The following TRAPPC3L variants were observed in gnomAD, a reference collection of about 807,000 sequenced individuals.
The protein encoded by TRAPPC3L is trafficking protein particle complex subunit 3L, also known as trafficking protein particle complex subunit 3-like protein.
A neutral mutation model predicts 23.7 loss-of-function variants in TRAPPC3L; 23 were observed. The ratio of observed to expected loss-of-function variants is 0.97; its 90% CI spans 0.70 to 1.37. The LOEUF is 1.37. Ranked by LOEUF, TRAPPC3L falls within the 40% of genes most tolerant of loss-of-function variation. The pLI is 0.00. For synonymous variants in TRAPPC3L, 81 were observed against 77.9 expected (o/e 1.04, Z -0.21); for missense variants, 212 against 216.8 (o/e 0.98, Z 0.14).
rs926043925 is a variant in TRAPPC3L at position 116,515,517 on chromosome 6, T to G, written c.241-14851A>C. ...TATGTCAAAGACTGTGGTAATAATT[T>G]AGCTATACACTTCTCAATAATACCC... On this transcript the variant is annotated intron_variant, in intron 3 of 4. Transcript: ENST00000368602. The G allele has an allele frequency of 2.2e-6, 3 of 1,361,454 alleles. No individual in the cohort carries two copies. The African/African-American group carries it at 4.4e-5, about 20-fold the overall frequency. The allele number at this position is 1,361,454 out of a possible 1,614,324, so 84.3% of individuals were successfully genotyped here. A position where few individuals can be genotyped will look rare whatever the true frequency, so the allele number is the denominator to read the frequency against.
chr6:116,509,759 G>C (rs1234992536), intron 3 of TRAPPC3L, among the ~76,000 whole-genome samples: 4 of 152,066 alleles, frequency 2.6e-5, no homozygotes, highest in African/African-American at 9.7e-5. Context: ...TCTGGACATT[G>C]GCCTAGGCAA....
chr6:116,508,256 A>G (rs1456787317), intron 3 of TRAPPC3L, among the ~76,000 whole-genome samples: 2 of 152,184 alleles, frequency 1.3e-5, no homozygotes, highest in African/African-American at 2.4e-5. Flanking sequence ...GCCATTTGCA[A>G]GACAAATTAT....
intron 4 of TRAPPC3L, among the ~76,000 whole-genome samples, chr6:116,498,573 G>C (rs1241507714): frequency 6.6e-6 from 1 of 152,176 alleles, no homozygotes; most frequent in Non-Finnish European, 1.5e-5. Flanking sequence ...ATGAGACTTT[G>C]TTGACTGTTA....
At chr6:116,512,002 G>A (rs1327303678) in intron 3 of TRAPPC3L, 5 of 1,613,936 alleles carry the variant, frequency 3.1e-6, no homozygotes, top group Admixed American at 3.3e-5. Context: ...TCCTCGGCCA[G>A]ATCACTCTGA....
intron 3 of TRAPPC3L, among the ~76,000 whole-genome samples, chr6:116,534,699 A>G (rs1015057667): frequency 1.3e-5 from 2 of 151,812 alleles, no homozygotes; most frequent in African/African-American, 2.4e-5. Flanking sequence ...ATTGCTTCCT[A>G]TGATCATTTC....
intron 3 of TRAPPC3L, chr6:116,523,754 T>A (rs917581559): frequency 1.3e-5 from 2 of 152,218 alleles, no homozygotes; most frequent in Non-Finnish European, 2.9e-5. Flanking sequence ...TAGACATTAC[T>A]GCTAGTTTAT....
intron 3 of TRAPPC3L, among the ~76,000 whole-genome samples, chr6:116,505,035 A>C (rs1382392487): frequency 6.6e-6 from 1 of 152,236 alleles, no homozygotes; most frequent in African/African-American, 2.4e-5. Context: ...AGGCAAGAGA[A>C]AGAAATAAAG....
chr6:116,531,892 A>T (rs935020486), intron 3 of TRAPPC3L, among the ~76,000 whole-genome samples: 1 of 149,718 alleles, frequency 6.7e-6, no homozygotes, highest in East Asian at 1.9e-4. Context: ...TTTATATTTA[A>T]TTTTAAAATA....
Position 116,500,671 on chromosome 6 carries a change from T to A in TRAPPC3L, c.241-5A>T, listed in dbSNP as rs150964935. The A allele has an allele frequency of 2.6e-6, 4 of 1,549,806 alleles. No individual in the cohort carries two copies. The African/African-American group carries it at 4.1e-5, about 16-fold the overall frequency. On this transcript the variant is annotated splice_region_variant and splice_polypyrimidine_tract_variant and intron_variant, in intron 3 of 4. Transcript: ENST00000368602. Reference sequence around the variant, plus strand: ...CAGGTACATCTTGAAAGCAACCTGATAAGAAAAAAACAAAATTACTAAAAC... The same window carrying A: ...CAGGTACATCTTGAAAGCAACCTGAAAAGAAAAAAACAAAATTACTAAAAC...
chr6:116,521,078 A>G (rs190328245), intron 3 of TRAPPC3L: 2 of 151,374 alleles, frequency 1.3e-5, no homozygotes, highest in Non-Finnish European at 2.9e-5. Context: ...ACATACATAT[A>G]TATGTGTGTG....
chr6:116,515,614 C>T, intron 3 of TRAPPC3L: 2 of 1,610,368 alleles, frequency 1.2e-6, no homozygotes, highest in Non-Finnish European at 1.7e-6. Flanking sequence ...TAGGATGGTG[C>T]CTGATTTGTT....
chr6:116,515,009 T>C (rs1772195197), intron 3 of TRAPPC3L, among the ~76,000 whole-genome samples: 1 of 152,222 alleles, frequency 6.6e-6, no homozygotes, highest in Non-Finnish European at 1.5e-5. Context: ...GGAAAGAGTT[T>C]GTTTTTTCTA....
At chr6:116,510,576 C>T (rs146764179) in intron 3 of TRAPPC3L, among the ~76,000 whole-genome samples, 2 of 152,168 alleles carry the variant, frequency 1.3e-5, no homozygotes, top group African/African-American at 2.4e-5. Context: ...ACATGAACCA[C>T]GGCACCTTTC....
At chr6:116,524,643 T>C (rs1346568090) in intron 3 of TRAPPC3L, 1 of 152,186 alleles carries the variant, frequency 6.6e-6, no homozygotes, top group Non-Finnish European at 1.5e-5. Context: ...TATATTCTCA[T>C]TGGTTTCTTT....
chr6:116,501,388 C>T (rs996326873), intron 3 of TRAPPC3L, among the ~76,000 whole-genome samples: 2 of 152,196 alleles, frequency 1.3e-5, no homozygotes, highest in Admixed American at 6.5e-5. Flanking sequence ...GAGCCCACCG[C>T]AGCACAGCAA....
In TRAPPC3L at chr6:116,536,245, T is replaced by A. The variant is rs192331788; in HGVS notation, c.240+4118A>T. 9.8e-5 allele frequency among the ~76,000 whole-genome samples: 15 copies of A among 152,336 alleles called. No homozygotes were observed. The South Asian group carries it at 2.7e-3, about 27-fold the overall frequency. ...TATAATTAACTTGGCATCTTTTTTT[T>A]ATATAAAATGCAAGGTCAACTAAAG... is the stretch of plus-strand genomic sequence containing the variant. On this transcript the variant is annotated intron_variant, in intron 3 of 4. Coordinates refer to ENST00000368602, the MANE Select transcript of TRAPPC3L (RefSeq NM_001139444.3).
At chr6:116,515,936 C>T in intron 3 of TRAPPC3L, 3 of 1,613,040 alleles carry the variant, frequency 1.9e-6, no homozygotes, top group Non-Finnish European at 1.7e-6. Flanking sequence ...GCAACTTAGC[C>T]CTGAGGATGA....
chr6:116,540,966 C>T (rs1000409538), intron 2 of TRAPPC3L, among the ~76,000 whole-genome samples: 1 of 151,988 alleles, frequency 6.6e-6, no homozygotes, highest in African/African-American at 2.4e-5. Flanking sequence ...ATTTTTGTTG[C>T]CAGTGAGAGT....
At position 116,500,546 on chromosome 6, in the gene TRAPPC3L, C is replaced by T. The variant is rs142395441; in HGVS notation, c.361G>A (p.Ala121Thr). The change falls in exon 4 of 5, where the codon GCT becomes ACT. Residue 121 changes from alanine (A) to threonine (T), a missense_variant. Ala to Thr is a moderately conservative substitution (Grantham distance 58, BLOSUM62 0). Coordinates refer to ENST00000368602, the MANE Select transcript of TRAPPC3L (RefSeq NM_001139444.3). Reference protein sequence around the residue: ...PLVEFVEELPAGRSSLCYCNL... With the variant: ...PLVEFVEELPTGRSSLCYCNL... Reference sequence around the variant, plus strand: ...CAGTAGCACAGAGAAGATCGCCCAGCAGGGAGCTCTTCCACAAACTCCACC... The same window carrying T: ...CAGTAGCACAGAGAAGATCGCCCAGTAGGGAGCTCTTCCACAAACTCCACC... The T allele has an allele frequency of 2.3e-3, 3,515 of 1,551,684 alleles. 70 individuals are homozygous for T. The Admixed American group carries it at 0.028, about 12-fold the overall frequency.
Sources: gnomAD v4.1 joint callset for allele counts (sites outside exome capture counted in the v4.1 genomes callset) on GRCh38, gnomAD v4.1.1 for gene constraint, MANE v1.5 for transcripts, NCBI Gene and HGNC (gene_info 2026-07-23, HGNC 2026-07-21) for gene names.